Variants in EIF3K observed in about 807,000 individuals in gnomAD.
EIF3K encodes eukaryotic translation initiation factor 3 subunit K.
In EIF3K, 27 loss-of-function variants were observed where a neutral mutation model predicts 34.2. The ratio of observed to expected loss-of-function variants is 0.79; its 90% CI spans 0.58 to 1.09. EIF3K has a LOEUF of 1.09. EIF3K is among the 50% of genes least tolerant of loss of function. The pLI is 0.00. For missense variants in EIF3K, 232 were observed against 275.4 expected (o/e 0.84, Z 1.11); for synonymous variants, 105 against 105.7 (o/e 0.99, Z 0.04).
At chr19:38,626,179 A>C in intron 4 of EIF3K, 77 bp downstream of exon 4, 1 of 1,352,294 alleles carries the variant, frequency 7.4e-7, no homozygotes. Flanking sequence ...ACAACGGTGC[A>C]CACTGACTGG....
chr19:38,633,434 C>T (rs963404164), intron 6 of EIF3K, among the ~76,000 whole-genome samples: 3 of 152,164 alleles, frequency 2.0e-5, no homozygotes, highest in African/African-American at 7.2e-5. Context: ...TGCGGTGGCT[C>T]CCGCCTGTAA....
chr19:38,629,018 ATCCCAGAC>A (rs1976005801), intron 4 of EIF3K, among the ~76,000 whole-genome samples: 2 of 151,670 alleles, frequency 1.3e-5, no homozygotes, highest in Admixed American at 1.3e-4. Flanking sequence ...ACCTGTTCCT[ATCCCAGAC>A]CCTGACATTT....
chr19:38,633,254 T>G (rs1976109776), intron 6 of EIF3K, among the ~76,000 whole-genome samples: 1 of 152,044 alleles, frequency 6.6e-6, no homozygotes, highest in South Asian at 2.1e-4. Flanking sequence ...CCTTGTCCTT[T>G]CCCCTGACTG....
At chr19:38,619,900 T>G (rs532743526) in intron 1 of EIF3K, among the ~76,000 whole-genome samples, 1 of 152,034 alleles carries the variant, frequency 6.6e-6, no homozygotes, top group South Asian at 2.1e-4. Flanking sequence ...CCGGGAGAGA[T>G]TAGAACTGAA....
At chr19:38,626,716 A>G (rs2144769693) in intron 4 of EIF3K, among the ~76,000 whole-genome samples, 1 of 152,130 alleles carries the variant, frequency 6.6e-6, no homozygotes, top group East Asian at 1.9e-4. Context: ...CTGGCCCCCC[A>G]CTTCTGCAGC....
chr19:38,622,376 C>T (rs993453125), intron 2 of EIF3K, among the ~76,000 whole-genome samples: 1 of 152,196 alleles, frequency 6.6e-6, no homozygotes, highest in Non-Finnish European at 1.5e-5. Flanking sequence ...AGACATCACA[C>T]ATTGGTAGGA....
At chr19:38,626,577 C>T (rs1412264975) in intron 4 of EIF3K, among the ~76,000 whole-genome samples, 1 of 152,204 alleles carries the variant, frequency 6.6e-6, no homozygotes, top group African/African-American at 2.4e-5. Flanking sequence ...CTTGAGGCTG[C>T]GAGTGAGCCG....
In EIF3K at chr19:38,632,596, C is replaced by T. The variant is rs769607829; in HGVS notation, c.422-5C>T. ...GCTCACCGGTTTTGTCTCTGACCTC[C>T]ACAGTTATCTGCCATGTTGTGGGTA... On this transcript the variant is annotated splice_polypyrimidine_tract_variant and splice_region_variant and intron_variant, in intron 5 of 7. Coordinates refer to ENST00000248342, the MANE Select transcript of EIF3K (RefSeq NM_013234.4). The T allele has an allele frequency of 6.2e-7, 1 of 1,613,814 alleles. No individual in the cohort carries two copies. The highest frequency in any genetic ancestry group is 2.2e-5 in the East Asian group (1 of 44,864).
chr19:38,633,677 C>A (rs1219007688), intron 6 of EIF3K, among the ~76,000 whole-genome samples: 1 of 147,040 alleles, frequency 6.8e-6, no homozygotes, highest in South Asian at 2.2e-4. Flanking sequence ...GTGATAAGAT[C>A]GAAACTCCAT....
At chr19:38,629,230 C>A (rs1481830829) in intron 4 of EIF3K, among the ~76,000 whole-genome samples, 6 of 152,230 alleles carry the variant, frequency 3.9e-5, no homozygotes, top group East Asian at 1.9e-4. Flanking sequence ...GATCTTAGAC[C>A]TATTCCATGG....
intron 6 of EIF3K, among the ~76,000 whole-genome samples, chr19:38,634,159 G>T (rs1204885332): frequency 7.0e-6 from 1 of 142,968 alleles, no homozygotes; most frequent in African/African-American, 2.6e-5. Flanking sequence ...GAATGCAGTG[G>T]CATAATCTCG....
chr19:38,636,179 C>T (rs1371590344), intron 7 of EIF3K, among the ~76,000 whole-genome samples: 1 of 152,208 alleles, frequency 6.6e-6, no homozygotes, highest in Non-Finnish European at 1.5e-5. Flanking sequence ...TGTTGCCCCA[C>T]CCCACCTTCC....
chr19:38,632,903 C>T, intron 6 of EIF3K: 2 of 502,678 alleles, frequency 4.0e-6, no homozygotes, highest in South Asian at 3.3e-5. Flanking sequence ...TACCGTGTGT[C>T]AGTGTGCTAA....
At chr19:38,626,900 G>A (rs962674331) in intron 4 of EIF3K, among the ~76,000 whole-genome samples, 3 of 152,094 alleles carry the variant, frequency 2.0e-5, no homozygotes, top group Non-Finnish European at 2.9e-5. Flanking sequence ...TCTGCTTCCC[G>A]GGTTCAAGTG....
intron 6 of EIF3K, among the ~76,000 whole-genome samples, chr19:38,634,180 ACCT>A (rs1241588698): frequency 7.4e-6 from 1 of 135,006 alleles, no homozygotes; most frequent in African/African-American, 2.8e-5. Flanking sequence ...GCTCACTGCA[ACCT>A]CCTCCTGGTT....
At position 38,635,003 on chromosome 19, in the gene EIF3K, A is replaced by G. The variant is rs763389970; in HGVS notation, c.510A>G (p.Leu170=). 2 of 1,614,122 alleles carry G rather than the reference A, an allele frequency of 1.2e-6. No individual in the cohort carries two copies. Among genetic ancestry groups the G allele is most frequent in the East Asian group, 4.5e-5 (2 of 44,888 alleles). ...CCCTGTCACCTGCAGACAGCCAGCT[A>G]AAGGTGTGGATGAGCAAATACGGCT... ...EMLGDLSDSQ[L]KVWMSKYGWS... Residue 170 remains leucine, a synonymous_variant, in exon 7 of 8, where the codon CTA becomes CTG. Transcript: ENST00000248342.
At chr19:38,622,036 G>T (rs1599729958) in intron 2 of EIF3K, among the ~76,000 whole-genome samples, 1 of 150,050 alleles carries the variant, frequency 6.7e-6, no homozygotes, top group South Asian at 2.1e-4. Context: ...CTCCTGAATA[G>T]CTGGGACTAC....
intron 4 of EIF3K, among the ~76,000 whole-genome samples, chr19:38,629,097 G>A (rs1372923370): frequency 6.6e-6 from 1 of 151,810 alleles, no homozygotes; most frequent in Non-Finnish European, 1.5e-5. Flanking sequence ...TTTTATTCAA[G>A]TAAGAAATTA....
At chr19:38,622,243 G>A (rs555494615) in intron 2 of EIF3K, among the ~76,000 whole-genome samples, 2 of 149,494 alleles carry the variant, frequency 1.3e-5, no homozygotes, top group East Asian at 1.9e-4. Flanking sequence ...GTAGCTGTAC[G>A]TATCGGGGGG....
Sources: gnomAD v4.1 joint callset for allele counts (sites outside exome capture counted in the v4.1 genomes callset) on GRCh38, gnomAD v4.1.1 for gene constraint, MANE v1.5 for transcripts, NCBI Gene and HGNC (gene_info 2026-07-23, HGNC 2026-07-21) for gene names.